FCRL2: variants seen among roughly 807,000 people sequenced by gnomAD.
The protein encoded by FCRL2 is Fc receptor like 2, also known as Fc receptor-like protein 2.
A neutral mutation model predicts 59.8 loss-of-function variants in FCRL2; 48 were observed. The ratio of observed to expected loss-of-function variants is 0.80; its 90% CI spans 0.64 to 1.02. The LOEUF is 1.02. FCRL2 is among the 50% of genes least tolerant of loss of function. The pLI is 0.00. For synonymous variants in FCRL2, 251 were observed against 229.5 expected, an observed-to-expected ratio of 1.09 and a Z score of -0.85; for missense variants, 658 against 597.3, an observed-to-expected ratio of 1.10 and a Z score of -1.06.
chr1:157,748,857 C>A lies in FCRL2; in HGVS notation c.1393+18G>T. On this transcript the variant is annotated intron_variant, in intron 9 of 11. Transcript: ENST00000361516. ...TTTCTGACTCAGCCTCAGAGCCCTT[C>A]CCAGTGGAGACACTCACCATTGACA... is the stretch of plus-strand genomic sequence containing the variant. 6.2e-7 allele frequency: 1 copy of A among 1,610,070 alleles called. No homozygotes were observed. Among genetic ancestry groups the A allele is most frequent in the Non-Finnish European group, 8.5e-7 (1 of 1,176,998 alleles).
intron 2 of FCRL2, among the ~76,000 whole-genome samples, chr1:157,771,099 T>C (rs147674133): frequency 6.4e-4 from 97 of 152,292 alleles, no homozygotes; most frequent in African/African-American, 2.3e-3. Context: ...CATGACCTTA[T>C]TACCTCCCAA....
At chr1:157,750,171 C>T (rs567779434) in intron 7 of FCRL2, among the ~76,000 whole-genome samples, 2 of 152,178 alleles carry the variant, frequency 1.3e-5, no homozygotes, top group Non-Finnish European at 2.9e-5. Flanking sequence ...GCGAACTAGG[C>T]CATCTCTTGT....
At chr1:157,760,468 A>C (rs561390051) in intron 7 of FCRL2, among the ~76,000 whole-genome samples, 1 of 151,910 alleles carries the variant, frequency 6.6e-6, no homozygotes, top group Non-Finnish European at 1.5e-5. Flanking sequence ...TCTAAAAAAA[A>C]AATACAAAAA....
intron 10 of FCRL2, among the ~76,000 whole-genome samples, chr1:157,747,967 T>A (rs1456909388): frequency 6.6e-6 from 1 of 152,084 alleles, no homozygotes; most frequent in South Asian, 2.1e-4. Context: ...AATCTTAGAT[T>A]CTCCCTGACT....
Position 157,768,674 on chromosome 1 carries a change from T to G in FCRL2, c.623A>C (p.Glu208Ala), listed in dbSNP as rs997492811. The G allele has an allele frequency of 1.2e-6, 2 of 1,612,892 alleles. No individual in the cohort carries two copies. Among genetic ancestry groups the G allele is most frequent in the Non-Finnish European group, 8.5e-7 (1 of 1,179,378 alleles). Reference protein sequence around the residue: ...QRIPISNVSLEIRAPGGQVTE... With the variant: ...QRIPISNVSLAIRAPGGQVTE... ...CACCTGTCCCCCGGGGGCCCGGATC[T>G]CCAAGCTTACATTAGAGATGGGGAT... Residue 208 changes from glutamate (E) to alanine (A), a missense_variant, in exon 5 of 12, where the codon GAG (glutamate) becomes GCG (alanine). Physicochemically the swap from Glu to Ala is moderately radical, Grantham distance 107. Coordinates refer to ENST00000361516, the MANE Select transcript of FCRL2 (RefSeq NM_030764.4).
intron 6 of FCRL2, 27 bp from the exon 7 acceptor site, chr1:157,766,998 C>T (rs755131853): frequency 1.3e-6 from 2 of 1,593,134 alleles, no homozygotes; most frequent in Non-Finnish European, 1.7e-6. Flanking sequence ...GTGCTTCAGC[C>T]CCAGAGGTTT....
chr1:157,756,963 A>G (rs542935293), intron 7 of FCRL2, among the ~76,000 whole-genome samples: 44 of 152,340 alleles, frequency 2.9e-4, no homozygotes, highest in African/African-American at 1.0e-3. Context: ...AATTTTTTTA[A>G]AGTTACAAGA....
chr1:157,766,998 C>G (rs755131853), intron 6 of FCRL2, 27 bp from the exon 7 acceptor site: 3 of 1,593,134 alleles, frequency 1.9e-6, no homozygotes, highest in Non-Finnish European at 2.6e-6. Context: ...GTGCTTCAGC[C>G]CCAGAGGTTT....
Position 157,768,672 on chromosome 1 carries a change from T to C in FCRL2, c.625A>G (p.Ile209Val), listed in dbSNP as rs377664467. 16 of 1,613,122 alleles carry C rather than the reference T, an allele frequency of 9.9e-6. No homozygotes were observed. In the African/African-American group the frequency reaches 1.2e-4, roughly 12 times the overall value. The change falls in exon 5 of 12, where the codon ATC (isoleucine) becomes GTC (valine). Residue 209 changes from isoleucine (I) to valine (V), a missense_variant. Physicochemically the swap from Ile to Val is conservative, Grantham distance 29 (BLOSUM62 3). Transcript: ENST00000361516. ...GTCACCTGTCCCCCGGGGGCCCGGA[T>C]CTCCAAGCTTACATTAGAGATGGGG... ...RIPISNVSLEIRAPGGQVTEG... is the reference protein window; with the variant it reads ...RIPISNVSLEVRAPGGQVTEG...
At chr1:157,763,783 C>T (rs993434622) in intron 7 of FCRL2, among the ~76,000 whole-genome samples, 9 of 152,172 alleles carry the variant, frequency 5.9e-5, no homozygotes, top group Non-Finnish European at 1.3e-4. Context: ...GTAATCCCAG[C>T]ACTTTGGGAG....
rs1354520183 is a variant in FCRL2 at position 157,746,101 on chromosome 1, T to TACCA, written c.*631_*634dup. ...GAAGTTGAATTAGTAATAAAAAACT[T>TACCA]ACCAACCAACACAAAAGCCCTAGAC... is the stretch of plus-strand genomic sequence containing the variant. On this transcript the variant is annotated 3_prime_UTR_variant, in exon 12 of 12. Coordinates refer to ENST00000361516, the MANE Select transcript of FCRL2 (RefSeq NM_030764.4). 6.6e-6 allele frequency: 1 copy of TACCA among 152,146 alleles called. No homozygotes were observed. Among genetic ancestry groups the TACCA allele is most frequent in the Non-Finnish European group, 1.5e-5 (1 of 68,036 alleles). The allele number at this position is 152,146 out of a possible 1,614,324, so 9.4% of individuals were successfully genotyped here.
At chr1:157,774,974 C>G (rs1650297114) in intron 2 of FCRL2, among the ~76,000 whole-genome samples, 1 of 152,084 alleles carries the variant, frequency 6.6e-6, no homozygotes, top group Non-Finnish European at 1.5e-5. Flanking sequence ...AAATATTTTT[C>G]CCATTGACTT....
intron 10 of FCRL2, among the ~76,000 whole-genome samples, chr1:157,747,381 G>A (rs1038530789): frequency 6.6e-6 from 1 of 152,188 alleles, no homozygotes. Flanking sequence ...CCTTTTTCCA[G>A]GTAGGCATAG....
rs1557869279 is a variant in FCRL2, at chr1:157,770,478, AAT to A, written c.239_240del (p.Tyr80PhefsTer3). On this transcript the variant is annotated frameshift_variant, in exon 3 of 12. Transcript: ENST00000361516. LOFTEE classifies it high-confidence loss of function. The part of the protein sequence containing the change: ...QSAVLSDSGN[Y>X]FCSTKGQLFL... ...AAGAGTTGTCCTTTGGTACTACAGAAATAGTTACCACTGTCACTTAAAACTGC... is the reference window on the plus strand; with the variant it reads ...AAGAGTTGTCCTTTGGTACTACAGAAAGTTACCACTGTCACTTAAAACTGC... The A allele has an allele frequency of 1.9e-6, 3 of 1,613,930 alleles. No individual in the cohort carries two copies. The highest frequency in any genetic ancestry group is 2.5e-6 in the Non-Finnish European group (3 of 1,179,766).
chr1:157,763,890 C>T (rs1332659473), intron 7 of FCRL2, among the ~76,000 whole-genome samples: 1 of 152,014 alleles, frequency 6.6e-6, no homozygotes, highest in African/African-American at 2.4e-5. Context: ...ATTAGCCAGG[C>T]AGGGTAGCAG....
intron 7 of FCRL2, among the ~76,000 whole-genome samples, chr1:157,751,979 G>A (rs1192342854): frequency 6.6e-6 from 1 of 152,214 alleles, no homozygotes; most frequent in South Asian, 2.1e-4. Flanking sequence ...GCAAGTTGAG[G>A]AAAGAGAGAA....
At chr1:157,764,233 GA>G (rs147774168) in intron 7 of FCRL2, among the ~76,000 whole-genome samples, 17 of 145,742 alleles carry the variant, frequency 1.2e-4, no homozygotes, top group African/African-American at 2.0e-4. Context: ...AAATAATGGT[GA>G]AAAAAAAACA....
At chr1:157,754,829 G>A (rs1018586423) in intron 7 of FCRL2, among the ~76,000 whole-genome samples, 2 of 151,920 alleles carry the variant, frequency 1.3e-5, no homozygotes, top group Admixed American at 6.6e-5. Context: ...AGCCAGTCAC[G>A]GCGGTGCATG....
At chr1:157,763,524 C>A (rs745603052) in intron 7 of FCRL2, among the ~76,000 whole-genome samples, 2 of 151,964 alleles carry the variant, frequency 1.3e-5, no homozygotes, top group Non-Finnish European at 2.9e-5. Flanking sequence ...AAAACTCCAT[C>A]TCAAAAAACA....
Sources: allele counts gnomAD v4.1 joint callset (sites outside exome capture counted in the v4.1 genomes callset), GRCh38; gene constraint gnomAD v4.1.1; transcripts MANE v1.5; gene names NCBI Gene and HGNC (gene_info 2026-07-23, HGNC 2026-07-21).